The following CNTN4 variants were observed in gnomAD, a reference collection of about 807,000 sequenced individuals.
CNTN4 encodes contactin-4.
CNTN4 carries 77 observed loss-of-function variants against 122.5 expected under a neutral mutation model. That is an observed-to-expected ratio of 0.63 (90% CI 0.52 to 0.76). CNTN4 has a LOEUF of 0.76. Among genes scored for constraint, CNTN4 ranks in the 30% least tolerant of loss-of-function variants. The pLI, the probability that CNTN4 is intolerant of heterozygous loss-of-function variation, is 0.00. For missense variants in CNTN4, 1,256 were observed against 1,259.1 expected, an observed-to-expected ratio of 1.00 and a Z score of 0.04; for synonymous variants, 512 against 447.0, an observed-to-expected ratio of 1.15 and a Z score of -1.83.
At chr3:2,258,226 A>G (rs1179068216) in intron 2 of CNTN4, among the ~76,000 whole-genome samples, 1 of 152,212 alleles carries the variant, frequency 6.6e-6, no homozygotes, top group Non-Finnish European at 1.5e-5. Context: ...CATTTAACCC[A>G]GCAATCCCAT....
chr3:2,644,480 AGAT>A (rs1238553061), intron 4 of CNTN4, among the ~76,000 whole-genome samples: 1 of 152,046 alleles, frequency 6.6e-6, no homozygotes, highest in Non-Finnish European at 1.5e-5. Context: ...GGGAAAAGGG[AGAT>A]GATATCTATC....
At chr3:2,870,188 A>T (rs997809054) in intron 8 of CNTN4, among the ~76,000 whole-genome samples, 2 of 152,102 alleles carry the variant, frequency 1.3e-5, no homozygotes. Flanking sequence ...ACTGGCAACA[A>T]CTCTGCCTTT....
intron 2 of CNTN4, among the ~76,000 whole-genome samples, chr3:2,278,545 C>G (rs1002819839): frequency 4.6e-5 from 7 of 152,250 alleles, no homozygotes; most frequent in Non-Finnish European, 8.8e-5. Flanking sequence ...GAGAAGCAGT[C>G]ATGCTTAGTT....
intron 3 of CNTN4, among the ~76,000 whole-genome samples, chr3:2,340,727 A>AGAGAGAGGGG (rs2044177385): frequency 7.1e-6 from 1 of 140,170 alleles, no homozygotes; most frequent in African/African-American, 2.6e-5. Context: ...AGAGAGAGAG[A>AGAGAGAGGGG]GAGAGAGAGA....
At chr3:2,384,220 G>C (rs1000163080) in intron 3 of CNTN4, among the ~76,000 whole-genome samples, 2 of 152,074 alleles carry the variant, frequency 1.3e-5, no homozygotes, top group African/African-American at 4.8e-5. Flanking sequence ...ATATGTTGTT[G>C]TACAGGAACA....
chr3:2,992,099 G>A (rs1040099848), intron 14 of CNTN4, among the ~76,000 whole-genome samples: 1 of 152,166 alleles, frequency 6.6e-6, no homozygotes, highest in Non-Finnish European at 1.5e-5. Context: ...GGGTCAGCAG[G>A]TAGGGGAGGA....
chr3:2,351,892 G>C (rs2044641794), intron 3 of CNTN4, among the ~76,000 whole-genome samples: 1 of 152,050 alleles, frequency 6.6e-6, no homozygotes, highest in Non-Finnish European at 1.5e-5. Context: ...AATAGGTTTT[G>C]AGATCTACTG....
intron 3 of CNTN4, among the ~76,000 whole-genome samples, chr3:2,409,715 TG>T (rs2047165351): frequency 6.6e-6 from 1 of 152,188 alleles, no homozygotes; most frequent in Admixed American, 6.5e-5. Flanking sequence ...ATATTTAGAC[TG>T]TACTTGAATA....
intron 2 of CNTN4, among the ~76,000 whole-genome samples, chr3:2,103,670 G>A (rs1448054852): frequency 1.3e-5 from 2 of 152,056 alleles, no homozygotes; most frequent in Non-Finnish European, 2.9e-5. Context: ...CATCCTCCAA[G>A]AAAGGAAACC....
At chr3:2,419,644 T>C (rs890415594) in intron 3 of CNTN4, among the ~76,000 whole-genome samples, 1 of 152,110 alleles carries the variant, frequency 6.6e-6, no homozygotes. Flanking sequence ...TTTCAACCAG[T>C]TTTTAAAACT....
intron 3 of CNTN4, among the ~76,000 whole-genome samples, chr3:2,524,738 A>G (rs13063886): frequency 0.029 from 4,368 of 152,270 alleles, 80 homozygotes; most frequent in Middle Eastern, 0.051. Flanking sequence ...AATTAAGGAT[A>G]TGAATACTAG....
At chr3:2,413,376 T>C (rs2047297280) in intron 3 of CNTN4, among the ~76,000 whole-genome samples, 1 of 152,246 alleles carries the variant, frequency 6.6e-6, no homozygotes, top group Admixed American at 6.5e-5. Context: ...CAAATTTCTG[T>C]TCTTGAAGCA....
chr3:2,751,985 C>T (rs994862103), intron 6 of CNTN4, among the ~76,000 whole-genome samples: 6 of 152,118 alleles, frequency 3.9e-5, no homozygotes, highest in Non-Finnish European at 8.8e-5. Flanking sequence ...AATACCACTA[C>T]ACTTCCCTTT....
At chr3:2,830,516 A>T (rs1200179792) in intron 7 of CNTN4, among the ~76,000 whole-genome samples, 1 of 152,216 alleles carries the variant, frequency 6.6e-6, no homozygotes, top group Non-Finnish European at 1.5e-5. Context: ...GAAAGCAGTG[A>T]AGGATGACAT....
intron 22 of CNTN4, 29 bp from the exon 23 acceptor site, chr3:3,043,563 T>C: frequency 1.3e-6 from 2 of 1,510,208 alleles, no homozygotes; most frequent in Non-Finnish European, 1.8e-6. Flanking sequence ...TAATAATCTG[T>C]GACTTCGTAT....
intron 4 of CNTN4, among the ~76,000 whole-genome samples, chr3:2,690,916 C>T (rs2149187857): frequency 6.6e-6 from 1 of 152,192 alleles, no homozygotes; most frequent in Middle Eastern, 3.4e-3. Context: ...AAACCCTTGC[C>T]CCACAAAACT....
At chr3:2,169,516 C>T (rs2036354219) in intron 2 of CNTN4, among the ~76,000 whole-genome samples, 1 of 145,066 alleles carries the variant, frequency 6.9e-6, no homozygotes, top group South Asian at 2.5e-4. Context: ...CCGCCATTCT[C>T]CTGCCTCAGC....
chr3:2,299,186 C>T (rs1312056330), intron 2 of CNTN4, among the ~76,000 whole-genome samples: 1 of 152,128 alleles, frequency 6.6e-6, no homozygotes, highest in Non-Finnish European at 1.5e-5. Context: ...ATTAATCCAG[C>T]ATTATTGTTC....
chr3:2,396,414 A>G (rs1320582968), intron 3 of CNTN4, among the ~76,000 whole-genome samples: 1 of 152,202 alleles, frequency 6.6e-6, no homozygotes. Flanking sequence ...GACCCACCGT[A>G]TGAAAACAGT....
Sources: gnomAD v4.1 joint callset for allele counts (sites outside exome capture counted in the v4.1 genomes callset) on GRCh38, gnomAD v4.1.1 for gene constraint, MANE v1.5 for transcripts, NCBI Gene and HGNC (gene_info 2026-07-23, HGNC 2026-07-21) for gene names.